PDZD2: variants seen among roughly 807,000 people sequenced by gnomAD.
PDZD2 encodes the protein PDZ domain-containing protein 2.
PDZD2 carries 90 observed loss-of-function variants against 220.7 expected under a neutral mutation model. That is an observed-to-expected ratio of 0.41 (90% CI 0.34 to 0.49). The LOEUF (loss-of-function observed/expected upper bound fraction) is 0.49. Ranked by LOEUF, PDZD2 falls within the 20% of genes least tolerant of loss-of-function variation. PDZD2 has a pLI of 0.28. For missense variants in PDZD2, 3,174 were observed against 3,608.5 expected (o/e 0.88, Z 3.08); for synonymous variants, 1,375 against 1,450.5 (o/e 0.95, Z 1.18).
At chr5:31,649,708 G>A (rs959150625) in intron 1 of PDZD2, among the ~76,000 whole-genome samples, 9 of 152,062 alleles carry the variant, frequency 5.9e-5, no homozygotes, top group Non-Finnish European at 1.0e-4. Flanking sequence ...GCCAAGGCAG[G>A]CAGATCACGA....
chr5:31,869,665 A>C (rs1213192302), intron 2 of PDZD2, among the ~76,000 whole-genome samples: 1 of 152,182 alleles, frequency 6.6e-6, no homozygotes, highest in Non-Finnish European at 1.5e-5. Flanking sequence ...TCAGTCACTG[A>C]AATAGGTAGT....
chr5:31,778,587 G>A (rs969965467), intron 1 of PDZD2, among the ~76,000 whole-genome samples: 10 of 152,154 alleles, frequency 6.6e-5, no homozygotes, highest in African/African-American at 1.9e-4. Flanking sequence ...TGAAGCCAGC[G>A]AGACCATGAA....
At position 31,932,556 on chromosome 5, in the gene PDZD2, GAA is replaced by G. The variant is rs1184693320; in HGVS notation, c.477-50597_477-50596del. 5.1e-3 allele frequency among the ~76,000 whole-genome samples: 3 copies of G among 592 alleles called. No homozygotes were observed. The South Asian group carries it at 0.17, about 33-fold the overall frequency. The allele number at this position is 592 out of a possible 152,430, so 0.4% of individuals were successfully genotyped here. A position where few individuals can be genotyped will look rare whatever the true frequency, so the allele number is the denominator to read the frequency against. ...AGAGCAAGACTCTGCCTCAAAAAAAGAAAGAAAGAAAGAAAGAAAGAAAGAAA... is the reference window on the plus strand; with the variant it reads ...AGAGCAAGACTCTGCCTCAAAAAAAGAGAAAGAAAGAAAGAAAGAAAGAAA... On this transcript the variant is annotated intron_variant, in intron 2 of 24. Coordinates refer to ENST00000438447, the MANE Select transcript of PDZD2 (RefSeq NM_178140.4).
chr5:32,001,723 A>T (rs1334587665), intron 5 of PDZD2, among the ~76,000 whole-genome samples: 1 of 152,184 alleles, frequency 6.6e-6, no homozygotes, highest in Non-Finnish European at 1.5e-5. Context: ...AAGAAAGAGG[A>T]GGCGTTGACC....
At chr5:32,077,790 C>CTTA in intron 19 of PDZD2, 184 bp downstream of exon 19, 1 of 531,528 alleles carries the variant, frequency 1.9e-6, no homozygotes, top group Non-Finnish European at 3.4e-6. Flanking sequence ...AACCCCATCT[C>CTTA]TACTAAAAAT....
At chr5:31,726,530 CA>C (rs1038122534) in intron 1 of PDZD2, among the ~76,000 whole-genome samples, 1 of 151,668 alleles carries the variant, frequency 6.6e-6, no homozygotes, top group African/African-American at 2.4e-5. Flanking sequence ...ACTCCATCTC[CA>C]AAAAAAAGTA....
intron 2 of PDZD2, among the ~76,000 whole-genome samples, chr5:31,886,598 C>T (rs1018752795): frequency 7.6e-6 from 1 of 131,996 alleles, no homozygotes; most frequent in Non-Finnish European, 1.6e-5. Context: ...CCCTCAGCCA[C>T]GGCCCAGGGT....
At chr5:32,043,370 C>G (rs966554610) in intron 7 of PDZD2, among the ~76,000 whole-genome samples, 1 of 152,242 alleles carries the variant, frequency 6.6e-6, no homozygotes, top group African/African-American at 2.4e-5. Flanking sequence ...TCCAGCAGAA[C>G]AGGGTCGGTT....
intron 1 of PDZD2, among the ~76,000 whole-genome samples, chr5:31,770,742 G>A (rs576573288): frequency 2.0e-5 from 3 of 152,250 alleles, no homozygotes; most frequent in South Asian, 2.1e-4. Context: ...GGGGTTCAGA[G>A]GGATGCTTTA....
At position 32,012,214 on chromosome 5, in the gene PDZD2, C is replaced by T. The variant is rs181190118; in HGVS notation, c.1407+1732C>T. Among the ~76,000 whole-genome samples, 905 of 152,164 alleles carry T rather than the reference C, an allele frequency of 5.9e-3. 11 individuals are homozygous for T. Among genetic ancestry groups the T allele is most frequent in the African/African-American group, 0.021 (858 of 41,516 alleles). ...AGGATCTCATTGCTCAGCAGTTGTG[C>T]CCGGAGACATCTCAGCCAGCTTTCA... On this transcript the variant is annotated intron_variant, in intron 6 of 24. Coordinates refer to ENST00000438447, the MANE Select transcript of PDZD2 (RefSeq NM_178140.4).
chr5:31,707,990 A>G (rs932122303), intron 1 of PDZD2, among the ~76,000 whole-genome samples: 10 of 152,276 alleles, frequency 6.6e-5, no homozygotes, highest in South Asian at 2.1e-4. Context: ...TTTCCGTCCC[A>G]AAATATATGA....
intron 2 of PDZD2, among the ~76,000 whole-genome samples, chr5:31,962,890 A>G (rs978248477): frequency 6.6e-6 from 1 of 152,052 alleles, no homozygotes; most frequent in Non-Finnish European, 1.5e-5. Flanking sequence ...TCCCGGTGTG[A>G]AGTTCAAGAA....
At chr5:31,679,621 C>T (rs1345586655) in intron 1 of PDZD2, among the ~76,000 whole-genome samples, 1 of 152,192 alleles carries the variant, frequency 6.6e-6, no homozygotes, top group East Asian at 1.9e-4. Context: ...GATTCTCCTG[C>T]CTCAGCCTCC....
chr5:31,927,438 G>T (rs759912892), intron 2 of PDZD2, among the ~76,000 whole-genome samples: 8 of 152,122 alleles, frequency 5.3e-5, no homozygotes, highest in Non-Finnish European at 1.0e-4. Context: ...AGGCTGGAGT[G>T]CAGTGGCACT....
chr5:31,963,632 C>G (rs915752997), intron 2 of PDZD2, among the ~76,000 whole-genome samples: 1 of 152,206 alleles, frequency 6.6e-6, no homozygotes, highest in Non-Finnish European at 1.5e-5. Flanking sequence ...ATTCCAGGAC[C>G]TCTGGGATCA....
intron 1 of PDZD2, among the ~76,000 whole-genome samples, chr5:31,666,139 G>A (rs1745978053): frequency 6.6e-6 from 1 of 152,202 alleles, no homozygotes; most frequent in South Asian, 2.1e-4. Context: ...AATGCCAGTT[G>A]AGGAGTGGGA....
At chr5:31,979,707 T>C (rs1346157177) in intron 2 of PDZD2, among the ~76,000 whole-genome samples, 2 of 152,228 alleles carry the variant, frequency 1.3e-5, no homozygotes, top group Non-Finnish European at 2.9e-5. Flanking sequence ...TTCACAATTA[T>C]TAGAATGTGA....
At chr5:31,659,819 T>C (rs960411531) in intron 1 of PDZD2, among the ~76,000 whole-genome samples, 4 of 152,200 alleles carry the variant, frequency 2.6e-5, no homozygotes, top group Non-Finnish European at 5.9e-5. Flanking sequence ...AAGTTTCCTT[T>C]TCCTGCGGCA....
intron 1 of PDZD2, among the ~76,000 whole-genome samples, chr5:31,661,225 C>T (rs1745749762): frequency 6.6e-6 from 1 of 152,172 alleles, no homozygotes; most frequent in African/African-American, 2.4e-5. Flanking sequence ...TTGTGTGGCT[C>T]ATGCTGAGGA....
Sources: gnomAD v4.1 joint callset for allele counts (sites outside exome capture counted in the v4.1 genomes callset) on GRCh38, gnomAD v4.1.1 for gene constraint, MANE v1.5 for transcripts, NCBI Gene and HGNC (gene_info 2026-07-23, HGNC 2026-07-21) for gene names.